ANO10: variants seen among roughly 807,000 people sequenced by gnomAD.
ANO10 encodes anoctamin-10.
A neutral mutation model predicts 74.7 loss-of-function variants in ANO10; 77 were observed. The observed-to-expected ratio is 1.03, with a 90% CI of 0.86 to 1.25. ANO10 has a LOEUF of 1.25. Among genes scored for constraint, ANO10 ranks in the 50% most tolerant of loss-of-function variants. The pLI, the probability that ANO10 is intolerant of heterozygous loss-of-function variation, is 0.00. For missense variants in ANO10, 721 were observed against 778.1 expected (o/e 0.93, Z 0.87); for synonymous variants, 279 against 284.9 (o/e 0.98, Z 0.21).
At position 43,442,233 on chromosome 3, in the gene ANO10, ATC is replaced by A. The variant is rs1008107700; in HGVS notation, c.1798-9508_1798-9507del. Among the ~76,000 whole-genome samples the A allele has an allele frequency of 2.9e-4, 44 of 152,166 alleles. 1 individual carries two copies. The highest frequency in any genetic ancestry group is 9.6e-4 in the African/African-American group (40 of 41,538). ...CCAAATTGGAAAGTAGTAAAATTAT[ATC>A]TGTTTGTGGATTACATTATTTTAAA... On this transcript the variant is annotated intron_variant, in intron 11 of 12. Transcript: ENST00000292246.
At chr3:43,577,319 A>T (rs2081060325) in intron 5 of ANO10, 58 bp from the exon 6 acceptor site, 1 of 1,508,164 alleles carries the variant, frequency 6.6e-7, no homozygotes, top group African/African-American at 1.4e-5. Flanking sequence ...TTAAAAAATC[A>T]TTTCAAGTAC....
intron 12 of ANO10, among the ~76,000 whole-genome samples, chr3:43,396,657 G>C (rs1365173588): frequency 4.6e-5 from 7 of 151,704 alleles, no homozygotes; most frequent in African/African-American, 1.2e-4. Context: ...AAGTTTTATT[G>C]TTTTTTCTTT....
chr3:43,375,873 TTTTG>T (rs753817072), intron 12 of ANO10, among the ~76,000 whole-genome samples: 5 of 152,232 alleles, frequency 3.3e-5, no homozygotes, highest in African/African-American at 7.2e-5. Flanking sequence ...GTTTGTTCAT[TTTTG>T]TTTGTTTTTA....
Position 43,366,543 on chromosome 3 carries a change from T to G in ANO10, c.*363A>C. ...AACCTGTCCACGGGTCCCTGGGCCA[T>G]GGTGGGGTTGGGAGTGACACTGCTA... On this transcript the variant is annotated 3_prime_UTR_variant, in exon 13 of 13. Transcript: ENST00000292246. The G allele has an allele frequency of 4.8e-5, 18 of 378,452 alleles. No homozygotes were observed. Among genetic ancestry groups the G allele is most frequent in the East Asian group, 6.4e-5 (1 of 15,576 alleles). 23.4% of individuals were successfully genotyped at this position (378,452 alleles called of 1,614,324 possible).
intron 1 of ANO10, among the ~76,000 whole-genome samples, chr3:43,657,641 C>A (rs144181006): frequency 7.2e-5 from 11 of 152,176 alleles, no homozygotes; most frequent in African/African-American, 2.7e-4. Flanking sequence ...ATCTGACTGG[C>A]GGCATCTGCC....
chr3:43,629,505 T>C (rs2149558139), intron 1 of ANO10, among the ~76,000 whole-genome samples: 1 of 152,312 alleles, frequency 6.6e-6, no homozygotes, highest in African/African-American at 2.4e-5. Flanking sequence ...GAATTAAATA[T>C]TAACAGAATC....
intron 1 of ANO10, among the ~76,000 whole-genome samples, chr3:43,609,094 C>T (rs918956728): frequency 6.6e-6 from 1 of 152,100 alleles, no homozygotes; most frequent in African/African-American, 2.4e-5. Context: ...ATGTAATCTT[C>T]CTAAAGTCCT....
chr3:43,450,151 A>G (rs2074793888), intron 11 of ANO10, among the ~76,000 whole-genome samples: 1 of 152,204 alleles, frequency 6.6e-6, no homozygotes, highest in Non-Finnish European at 1.5e-5. Context: ...TTTTAGAATA[A>G]AGTGGAAAAA....
chr3:43,658,384 A>G (rs113507055), intron 1 of ANO10, among the ~76,000 whole-genome samples: 1,550 of 152,270 alleles, frequency 0.01, 13 homozygotes, highest in Non-Finnish European at 0.013. Context: ...ACAGCAATGA[A>G]TGTGACCATC....
chr3:43,537,171 CAT>C (rs1389443638), intron 11 of ANO10, among the ~76,000 whole-genome samples: 2 of 152,142 alleles, frequency 1.3e-5, no homozygotes, highest in African/African-American at 4.8e-5. Context: ...TCATCTTGCT[CAT>C]ATGTCCTTCC....
At chr3:43,672,165 A>G (rs72622909) in intron 1 of ANO10, among the ~76,000 whole-genome samples, 12,727 of 152,174 alleles carry the variant, frequency 0.084, 750 homozygotes, top group South Asian at 0.21. Flanking sequence ...CCTGGATGGC[A>G]CTTATGCATG....
chr3:43,439,571 A>G (rs1016166833), intron 11 of ANO10, among the ~76,000 whole-genome samples: 1 of 152,094 alleles, frequency 6.6e-6, no homozygotes, highest in Admixed American at 6.6e-5. Flanking sequence ...ACTAACTACA[A>G]AAGAATACCA....
chr3:43,665,850 T>C (rs1250004004), intron 1 of ANO10, among the ~76,000 whole-genome samples: 1 of 152,208 alleles, frequency 6.6e-6, no homozygotes, highest in Non-Finnish European at 1.5e-5. Flanking sequence ...GAACTGATGG[T>C]TGTATGAAAT....
At chr3:43,432,006 A>C (rs2092989712) in intron 12 of ANO10, among the ~76,000 whole-genome samples, 1 of 151,910 alleles carries the variant, frequency 6.6e-6, no homozygotes, top group Non-Finnish European at 1.5e-5. Flanking sequence ...TTAAATTCCT[A>C]TGCAGCACTA....
At chr3:43,546,322 G>A (rs1559678424) in intron 11 of ANO10, among the ~76,000 whole-genome samples, 1 of 152,148 alleles carries the variant, frequency 6.6e-6, no homozygotes, top group Non-Finnish European at 1.5e-5. Context: ...GAAGAACAAA[G>A]TTAGTAGTCT....
At chr3:43,530,102 T>C (rs1481734719) in intron 11 of ANO10, among the ~76,000 whole-genome samples, 5 of 152,040 alleles carry the variant, frequency 3.3e-5, no homozygotes, top group African/African-American at 7.2e-5. Flanking sequence ...ATTAAGAAGA[T>C]AGGGGATGCA....
chr3:43,642,740 T>A (rs1306264375), intron 1 of ANO10, among the ~76,000 whole-genome samples: 2 of 152,120 alleles, frequency 1.3e-5, no homozygotes, highest in African/African-American at 4.8e-5. Flanking sequence ...AATACCTAAA[T>A]ATATTCTTAT....
intron 1 of ANO10, among the ~76,000 whole-genome samples, chr3:43,657,884 T>A (rs1051030399): frequency 1.3e-5 from 2 of 152,238 alleles, no homozygotes; most frequent in Non-Finnish European, 2.9e-5. Context: ...TTTTATTTAT[T>A]GTGTGGAAAA....
At chr3:43,544,525 G>A (rs891365760) in intron 11 of ANO10, among the ~76,000 whole-genome samples, 1 of 152,088 alleles carries the variant, frequency 6.6e-6, no homozygotes, top group Non-Finnish European at 1.5e-5. Flanking sequence ...GGGTATGGTG[G>A]TTCACACCTG....
Sources: gnomAD v4.1 joint callset for allele counts (sites outside exome capture counted in the v4.1 genomes callset) on GRCh38, gnomAD v4.1.1 for gene constraint, MANE v1.5 for transcripts, NCBI Gene and HGNC (gene_info 2026-07-23, HGNC 2026-07-21) for gene names.